Variants in SI observed in about 807,000 individuals in gnomAD.
The protein encoded by SI is sucrase-isomaltase, intestinal.
Under a neutral mutation model 253.3 loss-of-function variants are expected in SI, and 235 were observed. That is an observed-to-expected ratio of 0.93 (90% CI 0.83 to 1.03). SI has a LOEUF of 1.03. Ranked by LOEUF, SI falls within the 50% of genes least tolerant of loss-of-function variation. The pLI, the probability that SI is intolerant of heterozygous loss-of-function variation, is 0.00. For synonymous variants in SI, 819 were observed against 712.0 expected, an observed-to-expected ratio of 1.15 and a Z score of -2.39; for missense variants, 2,442 against 2,211.1, an observed-to-expected ratio of 1.10 and a Z score of -2.09.
At chr3:165,074,023 A>C (rs2108112993) in intron 3 of SI, among the ~76,000 whole-genome samples, 1 of 152,198 alleles carries the variant, frequency 6.6e-6, no homozygotes, top group South Asian at 2.1e-4. Context: ...AAAAAGGAAG[A>C]GTGAACTTGG....
Position 165,026,910 on chromosome 3 carries a change from G to A in SI, c.2893-3134C>T, listed in dbSNP as rs528173806. Among the ~76,000 whole-genome samples, 215 of 151,228 alleles carry A rather than the reference G, an allele frequency of 1.4e-3. 1 individual carries two copies. Among genetic ancestry groups the A allele is most frequent in the African/African-American group, 5.1e-3 (210 of 41,350 alleles). On this transcript the variant is annotated intron_variant, in intron 25 of 47. Transcript: ENST00000264382. ...AGACAATCTAAGGTCACACTTCAAG[G>A]AACTAGAGAAACAAGAACAAATCAA...
intron 9 of SI, among the ~76,000 whole-genome samples, chr3:165,060,274 T>C (rs940295079): frequency 1.3e-5 from 2 of 151,988 alleles, no homozygotes; most frequent in Non-Finnish European, 2.9e-5. Flanking sequence ...AATTAGAAAG[T>C]GTAGCATATC....
rs529409680 is a variant in SI, at chr3:165,069,086, G to T, written c.365C>A (p.Thr122Lys). The change falls in exon 4 of 48, where the codon ACA becomes AAA. Residue 122 changes from threonine (T) to lysine (K), a missense_variant. By Grantham distance (78) the Thr-to-Lys change is moderately conservative. Coordinates refer to ENST00000264382, the MANE Select transcript of SI (RefSeq NM_001041.4). ...AACAGAGGACTTCTTACCAATACTT[G>T]TTGTTGTCATGTCTTGAACGTTATA... ...HGYNVQDMTTTSIGVEAKLNR... is the reference protein window; with the variant it reads ...HGYNVQDMTTKSIGVEAKLNR... The T allele has an allele frequency of 1.2e-6, 2 of 1,601,950 alleles. No individual in the cohort carries two copies. The highest frequency in any genetic ancestry group is 1.7e-6 in the Non-Finnish European group (2 of 1,169,138).
At chr3:165,079,372 T>A (rs1221110649), upstream of SI, among the ~76,000 whole-genome samples, 2 of 151,616 alleles carry the variant, frequency 1.3e-5, no homozygotes, top group African/African-American at 2.4e-5. Flanking sequence ...CTGGATACTA[T>A]CTTTTCAACA....
chr3:165,005,827 G>A (rs1241604517), intron 37 of SI, among the ~76,000 whole-genome samples: 1 of 151,934 alleles, frequency 6.6e-6, no homozygotes, highest in East Asian at 1.9e-4. Flanking sequence ...GCTCACTGCA[G>A]CCTCAACCTC....
the SI span, among the ~76,000 whole-genome samples, chr3:165,086,931 G>C: frequency 6.6e-6 from 1 of 152,146 alleles, no homozygotes; most frequent in South Asian, 2.1e-4. Flanking sequence ...TGCAGACTGG[G>C]TGGAGAGTTT....
chr3:165,039,417 G>C (rs977790749), intron 19 of SI, among the ~76,000 whole-genome samples: 2 of 152,036 alleles, frequency 1.3e-5, no homozygotes, highest in African/African-American at 4.8e-5. Flanking sequence ...CATTGTGAAT[G>C]TGAATATGTT....
At position 165,074,685 on chromosome 3, in the gene SI, T is replaced by C; in HGVS notation, c.119-18A>G. 3 of 1,595,468 alleles carry C rather than the reference T, an allele frequency of 1.9e-6. No homozygotes were observed. The highest frequency in any genetic ancestry group is 2.2e-5 in the East Asian group (1 of 44,502). On this transcript the variant is annotated intron_variant, in intron 2 of 47. Coordinates refer to ENST00000264382, the MANE Select transcript of SI (RefSeq NM_001041.4). ...ACTAATTTCTGGGGGAGGAAAAAAC[T>C]CAATAAAATAAAACATGACATTAAA...
chr3:164,992,975 T>G (rs1362713837), intron 41 of SI, among the ~76,000 whole-genome samples: 1 of 151,796 alleles, frequency 6.6e-6, no homozygotes, highest in East Asian at 1.9e-4. Context: ...AGAGCCACTA[T>G]TAAATGTTCA....
At chr3:165,056,086 G>A (rs186998986) in intron 12 of SI, among the ~76,000 whole-genome samples, 1 of 152,162 alleles carries the variant, frequency 6.6e-6, no homozygotes, top group Admixed American at 6.6e-5. Context: ...AATCACATTA[G>A]GCAAGGAGAA....
intron 28 of SI, among the ~76,000 whole-genome samples, chr3:165,018,330 T>C (rs556735816): frequency 6.6e-6 from 1 of 150,816 alleles, no homozygotes; most frequent in South Asian, 2.1e-4. Flanking sequence ...TATATATTTG[T>C]ATTAATATAC....
At chr3:165,086,572 A>T in the SI span, among the ~76,000 whole-genome samples, 1 of 152,216 alleles carries the variant, frequency 6.6e-6, no homozygotes. Context: ...CCTTCTGCAC[A>T]AAATTTAGAA....
chr3:165,017,406 T>C, intron 31 of SI, 142 bp downstream of exon 31: 1 of 700,364 alleles, frequency 1.4e-6, no homozygotes, highest in Admixed American at 2.6e-5. Context: ...TGTTTATAAA[T>C]CTCATATCCA....
chr3:165,084,982 G>C, the SI span, among the ~76,000 whole-genome samples: 1 of 152,018 alleles, frequency 6.6e-6, no homozygotes, highest in Non-Finnish European at 1.5e-5. Context: ...AGAAACTTGT[G>C]GCCATATTTC....
At chr3:165,024,663 C>T (rs1260971704) in intron 25 of SI, among the ~76,000 whole-genome samples, 2 of 151,042 alleles carry the variant, frequency 1.3e-5, no homozygotes, top group Admixed American at 1.3e-4. Context: ...AATTCTCCAC[C>T]CTCTCTCTTG....
At chr3:165,024,242 CTGGTTAATTACATCCTGACCTGGATT>C (rs1402316472) in intron 25 of SI, among the ~76,000 whole-genome samples, 1 of 151,192 alleles carries the variant, frequency 6.6e-6, no homozygotes, top group Admixed American at 6.6e-5. Context: ...TGTTCTTATA[CTGGTTAATTACATCCTGACCTGGATT>C]TGAAATAGGA....
intron 18 of SI, among the ~76,000 whole-genome samples, chr3:165,040,534 A>G (rs1006594169): frequency 6.6e-6 from 1 of 152,186 alleles, no homozygotes; most frequent in Admixed American, 6.6e-5. Context: ...AAGTCATCAC[A>G]GAAAGGCCCT....
At chr3:164,996,918 A>G (rs1718038842) in intron 38 of SI, 146 bp from the exon 39 acceptor site, 1 of 475,728 alleles carries the variant, frequency 2.1e-6, no homozygotes, top group South Asian at 3.2e-5. Context: ...TAATTATCTC[A>G]TAATGCTTCT....
At chr3:165,083,325 C>T (rs543082640), upstream of SI, among the ~76,000 whole-genome samples, 2 of 151,722 alleles carry the variant, frequency 1.3e-5, no homozygotes, top group East Asian at 1.9e-4. Flanking sequence ...TTCCATAGTA[C>T]ATTTTTTTTT....
Sources: gnomAD v4.1 joint callset for allele counts (sites outside exome capture counted in the v4.1 genomes callset) on GRCh38, gnomAD v4.1.1 for gene constraint, MANE v1.5 for transcripts, NCBI Gene and HGNC (gene_info 2026-07-23, HGNC 2026-07-21) for gene names.